The following ATRN variants were observed in gnomAD, a reference collection of about 807,000 sequenced individuals.
The protein encoded by ATRN is attractin.
Under a neutral mutation model 178.7 loss-of-function variants are expected in ATRN, and 54 were observed. That is an observed-to-expected ratio of 0.30 (90% CI 0.24 to 0.38). The LOEUF (loss-of-function observed/expected upper bound fraction) is 0.38. Ranked by LOEUF, ATRN falls within the 10% of genes least tolerant of loss-of-function variation. The pLI is 1.00. For synonymous variants in ATRN, 636 were observed against 663.0 expected, an observed-to-expected ratio of 0.96 and a Z score of 0.63; for missense variants, 1,443 against 1,815.1, an observed-to-expected ratio of 0.79 and a Z score of 3.73.
At position 3,528,638 on chromosome 20, in the gene ATRN, T is replaced by TA. The variant is rs1461347243; in HGVS notation, c.411-6614dup. 2.6e-5 allele frequency among the ~76,000 whole-genome samples: 4 copies of TA among 152,156 alleles called. No individual in the cohort carries two copies. In the East Asian group the frequency reaches 5.8e-4, roughly 22 times the overall value. ...GATTGAAAAACTGCCTTTCAGGTAT[T>TA]ACGCTGATTACTTGGGTGATGGAAT... On this transcript the variant is annotated intron_variant, in intron 1 of 28. Transcript: ENST00000262919.
At chr20:3,624,463 G>C in intron 24 of ATRN, 48 bp from the exon 25 acceptor site, 1 of 1,420,838 alleles carries the variant, frequency 7.0e-7, no homozygotes, top group Non-Finnish European at 9.9e-7. Context: ...GTGAATCCGT[G>C]GTGGTTTCAT....
intron 1 of ATRN, among the ~76,000 whole-genome samples, chr20:3,529,882 A>G (rs2085426432): frequency 6.6e-6 from 1 of 152,204 alleles, no homozygotes; most frequent in African/African-American, 2.4e-5. Context: ...CAGATTATAT[A>G]TTGTGGCAGT....
At chr20:3,636,909 A>G (rs1336748062) in intron 26 of ATRN, among the ~76,000 whole-genome samples, 2 of 152,228 alleles carry the variant, frequency 1.3e-5, no homozygotes, top group Non-Finnish European at 2.9e-5. Context: ...TGGAAAGGAA[A>G]CAAAATTATT....
intron 1 of ATRN, among the ~76,000 whole-genome samples, chr20:3,507,694 A>ATTTTTTT (rs55823401): frequency 8.7e-6 from 1 of 114,708 alleles, no homozygotes. Context: ...AGTTAAAAAT[A>ATTTTTTT]TTTTTTTTTT....
intron 1 of ATRN, among the ~76,000 whole-genome samples, chr20:3,522,819 G>A (rs548026255): frequency 1.3e-5 from 2 of 152,274 alleles, no homozygotes; most frequent in East Asian, 3.9e-4. Flanking sequence ...ACCTGCAGCA[G>A]AGGGGCCTGT....
chr20:3,574,060 ATGT>A lies in ATRN; in HGVS notation c.2092+1113_2092+1115del, dbSNP rs1439143939. On this transcript the variant is annotated intron_variant, in intron 12 of 28. Coordinates refer to ENST00000262919, the MANE Select transcript of ATRN (RefSeq NM_139321.3). ...GCCAGAAAGTTCTTTAAAAGTAAGA[ATGT>A]TGTCTCTACATCAATTAATTTAAAG... Among the ~76,000 whole-genome samples the A allele has an allele frequency of 2.0e-5, 3 of 152,274 alleles. No homozygotes were observed. In the South Asian group the frequency reaches 6.2e-4, roughly 32 times the overall value.
intron 22 of ATRN, among the ~76,000 whole-genome samples, chr20:3,599,815 A>T (rs1175137282): frequency 6.6e-6 from 1 of 152,360 alleles, no homozygotes; most frequent in East Asian, 1.9e-4. Flanking sequence ...AATACAAATA[A>T]GTAAACACTT....
At chr20:3,606,017 T>C (rs1006573752) in intron 24 of ATRN, among the ~76,000 whole-genome samples, 1 of 152,172 alleles carries the variant, frequency 6.6e-6, no homozygotes, top group Non-Finnish European at 1.5e-5. Flanking sequence ...ACAAAAACTA[T>C]GTTGTAGTTT....
intron 18 of ATRN, among the ~76,000 whole-genome samples, chr20:3,586,516 G>A (rs1036918415): frequency 2.6e-5 from 4 of 152,080 alleles, no homozygotes; most frequent in Middle Eastern, 3.4e-3. Flanking sequence ...AAGAAGCCAG[G>A]TACAAAAGAT....
Position 3,562,294 on chromosome 20 carries a change from T to C in ATRN, c.1466T>C (p.Ile489Thr). 1 of 1,613,894 alleles carries C rather than the reference T, an allele frequency of 6.2e-7. No homozygotes were observed. Among genetic ancestry groups the C allele is most frequent in the Non-Finnish European group, 8.5e-7 (1 of 1,179,864 alleles). ...TTTCCAGATAAGAACACATGGAGTA[T>C]ATTACACACCCAGGGTGCCCTTGTG... ...EYDLDKNTWS[I>T]LHTQGALVQG... Residue 489 changes from isoleucine (I) to threonine (T), a missense_variant, in exon 9 of 29, where the codon ATA (isoleucine) becomes ACA (threonine). Transcript: ENST00000262919.
chr20:3,630,916 CTTTTTTTTTTT>C (rs368394749), intron 25 of ATRN, among the ~76,000 whole-genome samples: 3 of 43,458 alleles, frequency 6.9e-5, no homozygotes, highest in African/African-American at 9.8e-5. Flanking sequence ...ATTTATTTAG[CTTTTTTTTTTT>C]TTTTTTTTTT....
intron 1 of ATRN, among the ~76,000 whole-genome samples, chr20:3,481,358 T>A (rs1227769128): frequency 6.6e-6 from 1 of 152,190 alleles, no homozygotes; most frequent in Non-Finnish European, 1.5e-5. Flanking sequence ...TTCGAGTGTT[T>A]GAGACAGGGG....
At chr20:3,597,435 G>A (rs1053070543) in intron 21 of ATRN, among the ~76,000 whole-genome samples, 5 of 152,126 alleles carry the variant, frequency 3.3e-5, no homozygotes, top group Non-Finnish European at 7.4e-5. Flanking sequence ...TTCGTTATTT[G>A]GAATGGAGAT....
At chr20:3,562,984 G>T (rs1228691381) in intron 9 of ATRN, among the ~76,000 whole-genome samples, 1 of 152,126 alleles carries the variant, frequency 6.6e-6, no homozygotes, top group Non-Finnish European at 1.5e-5. Flanking sequence ...TAGCTACGGG[G>T]TATGAAGAGT....
At chr20:3,588,444 C>T (rs918762790) in intron 18 of ATRN, among the ~76,000 whole-genome samples, 7 of 151,942 alleles carry the variant, frequency 4.6e-5, no homozygotes, top group East Asian at 1.9e-4. Flanking sequence ...TAGATGATCA[C>T]GAAGTTTTGT....
intron 6 of ATRN, among the ~76,000 whole-genome samples, chr20:3,556,135 G>A (rs572843030): frequency 6.6e-6 from 1 of 152,240 alleles, no homozygotes; most frequent in Admixed American, 6.5e-5. Context: ...AATACATTGG[G>A]AAAAAAACCA....
chr20:3,557,978 TAAAAG>T (rs2085900907), intron 6 of ATRN, among the ~76,000 whole-genome samples: 1 of 152,170 alleles, frequency 6.6e-6, no homozygotes, highest in South Asian at 2.1e-4. Flanking sequence ...ATATTTAAGA[TAAAAG>T]GAAAGGCTTA....
At chr20:3,488,139 T>A (rs1032677262) in intron 1 of ATRN, among the ~76,000 whole-genome samples, 2 of 152,212 alleles carry the variant, frequency 1.3e-5, no homozygotes, top group Non-Finnish European at 2.9e-5. Context: ...TGATTTCTCT[T>A]ACTTTTTTTC....
At chr20:3,529,441 G>A (rs907359080) in intron 1 of ATRN, among the ~76,000 whole-genome samples, 2 of 152,192 alleles carry the variant, frequency 1.3e-5, no homozygotes, top group African/African-American at 4.8e-5. Context: ...TAATCCAAGT[G>A]TCCACCAATA....
Sources: allele counts gnomAD v4.1 joint callset (sites outside exome capture counted in the v4.1 genomes callset), GRCh38; gene constraint gnomAD v4.1.1; transcripts MANE v1.5; gene names NCBI Gene and HGNC (gene_info 2026-07-23, HGNC 2026-07-21).